Variants in VWA3A observed in about 807,000 individuals in gnomAD.
VWA3A encodes von Willebrand factor A domain-containing protein 3A.
In VWA3A, 134 loss-of-function variants were observed where a neutral mutation model predicts 160.4. The observed-to-expected ratio is 0.84, with a 90% confidence interval of 0.73 to 0.96. The LOEUF (loss-of-function observed/expected upper bound fraction) is 0.96. Ranked by LOEUF, VWA3A falls within the 40% of genes least tolerant of loss-of-function variation. The probability of loss-of-function intolerance (pLI) is 0.00; values close to 1 mark genes in which losing one functional copy is unlikely to be tolerated. For missense variants in VWA3A, 1,310 were observed against 1,447.9 expected (o/e 0.90, Z 1.55); for synonymous variants, 476 against 543.4 (o/e 0.88, Z 1.72).
At chr16:22,101,683 C>T (rs1444825891) in intron 5 of VWA3A, among the ~76,000 whole-genome samples, 1 of 152,186 alleles carries the variant, frequency 6.6e-6, no homozygotes, top group Non-Finnish European at 1.5e-5. Flanking sequence ...TGCTGAATGG[C>T]CATTCATGGA....
In VWA3A at chr16:22,156,629, G is replaced by GT. The variant is rs1243913340; in HGVS notation, c.*613dup. On this transcript the variant is annotated 3_prime_UTR_variant, in exon 34 of 34. Transcript: ENST00000389398. ...TGAACAGTGAGCAGGCGGCTGAGCT[G>GT]TGAGAGCCTAGCTCTGGAAAGCAGC... 6.6e-6 allele frequency: 1 copy of GT among 152,212 alleles called. No homozygotes were observed. Among genetic ancestry groups the GT allele is most frequent in the Admixed American group, 6.6e-5 (1 of 15,266 alleles). The allele number at this position is 152,212 out of a possible 1,614,324, so 9.4% of individuals were successfully genotyped here.
chr16:22,099,859 G>A (rs1422835687), intron 3 of VWA3A, among the ~76,000 whole-genome samples: 1 of 152,210 alleles, frequency 6.6e-6, no homozygotes, highest in Non-Finnish European at 1.5e-5. Flanking sequence ...TGGATCACTT[G>A]AGGTCAGGAG....
At chr16:22,100,355 G>T (rs1269312826) in intron 4 of VWA3A, 37 bp downstream of exon 4, 2 of 1,551,640 alleles carry the variant, frequency 1.3e-6, no homozygotes, top group Non-Finnish European at 8.7e-7. Flanking sequence ...CCCCACAGCT[G>T]CAGTGACACA....
chr16:22,123,734 C>G (rs2045789335), intron 16 of VWA3A, 27 bp downstream of exon 16: 2 of 1,596,460 alleles, frequency 1.3e-6, no homozygotes, highest in Non-Finnish European at 1.7e-6. Flanking sequence ...GGGTTCTTAT[C>G]CTTCATGGGT....
At chr16:22,123,235 C>A in intron 15 of VWA3A, 70 bp downstream of exon 15, 1 of 1,419,240 alleles carries the variant, frequency 7.0e-7, no homozygotes, top group Non-Finnish European at 9.7e-7. Flanking sequence ...GTTCCCTGGG[C>A]TATGAAGTCA....
At position 22,118,944 on chromosome 16, in the gene VWA3A, C is replaced by T. The variant is rs376862831; in HGVS notation, c.1033C>T (p.Gln345Ter). 1 of 1,613,826 alleles carries T rather than the reference C, an allele frequency of 6.2e-7. No homozygotes were observed. The highest frequency in any genetic ancestry group is 1.3e-5 in the African/African-American group (1 of 74,916). ...CATGGATGAGCTCCTGGCAGAAATT[C>T]AGAAGGCCCAGAGCCTCCTCAGCCA... ...RDMDELLAEI[Q>*]KAQSLLSHVQ... is the part of the protein sequence containing the mutation. Residue 345 changes from glutamine (Q) to a stop codon, truncating the protein, a stop_gained, in exon 12 of 34, where the codon CAG (glutamine) becomes TAG (stop). Coordinates refer to ENST00000389398, the MANE Select transcript of VWA3A (RefSeq NM_173615.5). LOFTEE classifies it high-confidence loss of function.
chr16:22,095,985 A>G (rs1043838900), intron 1 of VWA3A, among the ~76,000 whole-genome samples: 9 of 152,182 alleles, frequency 5.9e-5, no homozygotes, highest in African/African-American at 2.2e-4. Context: ...GAGGACAAGG[A>G]CAAAGTCTAT....
chr16:22,122,123 G>T (rs150524868), intron 14 of VWA3A, among the ~76,000 whole-genome samples: 27 of 134,922 alleles, frequency 2.0e-4, no homozygotes, highest in African/African-American at 6.7e-4. Flanking sequence ...AAAGAATGAT[G>T]GATGGATGGA....
intron 24 of VWA3A, 119 bp from the exon 25 acceptor site, chr16:22,142,549 C>T: frequency 1.4e-6 from 1 of 717,166 alleles, no homozygotes; most frequent in South Asian, 1.6e-5. Flanking sequence ...GGGATCCGTT[C>T]CCATGACCCA....
chr16:22,152,626 A>G lies in VWA3A; in HGVS notation c.3397A>G (p.Asn1133Asp). Residue 1133 changes from asparagine (N) to aspartate (D), a missense_variant, in exon 31 of 34, where the codon AAT becomes GAT. By Grantham distance (23) the Asn-to-Asp change is conservative. Coordinates refer to ENST00000389398, the MANE Select transcript of VWA3A (RefSeq NM_173615.5). ...CAGCCTGCTGACCAAAGGCTTCATC[A>G]ATGAAAAGGTAGGTTGCAGAGCCAC... ...IHSLLTKGFI[N>D]EKDPTLPPFE... is the part of the protein sequence containing the mutation. 2 of 1,604,656 alleles carry G rather than the reference A, an allele frequency of 1.2e-6. No homozygotes were observed. The highest frequency in any genetic ancestry group is 1.7e-6 in the Non-Finnish European group (2 of 1,175,556).
rs1383178267 is a variant in VWA3A at position 22,110,916 on chromosome 16, A to G, written c.611A>G (p.Lys204Arg). The change falls in exon 8 of 34, where the codon AAG becomes AGG. Residue 204 changes from lysine to arginine, a missense_variant. Lys to Arg is a conservative substitution (Grantham distance 26). Transcript: ENST00000389398. ...MSLIDEQLSH[K>R]EKLFVLSFGT... is the part of the protein sequence containing the mutation. The stretch of plus-strand genomic sequence containing the variant: ...CTCATCGATGAGCAGCTGAGCCACA[A>G]GGAGAAGCTGTTTGTCCTGTCCTTT... The G allele has an allele frequency of 1.2e-6, 2 of 1,609,680 alleles. No individual in the cohort carries two copies. Among genetic ancestry groups the G allele is most frequent in the Middle Eastern group, 1.6e-4 (1 of 6,082 alleles).
intron 31 of VWA3A, among the ~76,000 whole-genome samples, chr16:22,154,930 C>T (rs891107197): frequency 1.2e-4 from 15 of 124,208 alleles, no homozygotes; most frequent in Middle Eastern, 5.4e-3. Flanking sequence ...GTCCGCAGTC[C>T]GGCCTGGGCG....
chr16:22,141,689 G>T lies in VWA3A; in HGVS notation c.2491G>T (p.Val831Leu), dbSNP rs771419391. 4.4e-6 allele frequency: 7 copies of T among 1,606,860 alleles called. No individual in the cohort carries two copies. The Admixed American group carries it at 6.8e-5, about 16-fold the overall frequency. ...LLFYTEKGND[V>L]GSVYKKYPQG... ...GTTCTACACAGAGAAAGGGAATGAC[G>T]TGGGTAAGTTAGAGGCTATACAGGT... The change falls in exon 24 of 34, where the codon GTG becomes TTG. Residue 831 changes from valine (V) to leucine (L), a missense_variant. Val to Leu is a conservative substitution (Grantham distance 32). Coordinates refer to ENST00000389398, the MANE Select transcript of VWA3A (RefSeq NM_173615.5).
intron 25 of VWA3A, among the ~76,000 whole-genome samples, 168 bp downstream of exon 25, chr16:22,142,933 T>C (rs2046179780): frequency 6.6e-6 from 1 of 151,958 alleles, no homozygotes; most frequent in African/African-American, 2.4e-5. Flanking sequence ...GGTGGATCAC[T>C]TGAGGTCAGG....
chr16:22,112,335 C>G (rs2141875899), intron 8 of VWA3A, among the ~76,000 whole-genome samples: 1 of 152,300 alleles, frequency 6.6e-6, no homozygotes, highest in Admixed American at 6.5e-5. Flanking sequence ...GGATTATTAT[C>G]CTCATTTTGC....
Position 22,146,224 on chromosome 16 carries a change from G to T in VWA3A, c.2731-12G>T. 2 of 1,610,312 alleles carry T rather than the reference G, an allele frequency of 1.2e-6. No homozygotes were observed. The highest frequency in any genetic ancestry group is 1.7e-6 in the Non-Finnish European group (2 of 1,177,334). On this transcript the variant is annotated splice_polypyrimidine_tract_variant and intron_variant, in intron 26 of 33. Coordinates refer to ENST00000389398, the MANE Select transcript of VWA3A (RefSeq NM_173615.5). ...ATGGGGTGGGTGCTTGCCTCTGCTT[G>T]CCTTAACCCAGGGAGTGGTGAGACA...
At chr16:22,100,150 C>T (rs1309394225) in intron 3 of VWA3A, 44 bp from the exon 4 acceptor site, 2 of 1,503,704 alleles carry the variant, frequency 1.3e-6, no homozygotes, top group Non-Finnish European at 1.8e-6. Context: ...TCTTCCTTCC[C>T]TCTCTTTCCA....
intron 6 of VWA3A, among the ~76,000 whole-genome samples, chr16:22,108,110 T>C (rs1343152932): frequency 6.6e-6 from 1 of 152,126 alleles, no homozygotes; most frequent in African/African-American, 2.4e-5. Context: ...ACATGTGTGG[T>C]TTCAGAGGAA....
intron 21 of VWA3A, among the ~76,000 whole-genome samples, chr16:22,138,070 A>T (rs1183627864): frequency 6.6e-6 from 1 of 152,154 alleles, no homozygotes; most frequent in East Asian, 1.9e-4. Context: ...GGGAGACGAC[A>T]CACCTACCCT....
Sources: gnomAD v4.1 joint callset for allele counts (sites outside exome capture counted in the v4.1 genomes callset) on GRCh38, gnomAD v4.1.1 for gene constraint, MANE v1.5 for transcripts, NCBI Gene and HGNC (gene_info 2026-07-23, HGNC 2026-07-21) for gene names.